EPHA6: variants seen among roughly 807,000 people sequenced by gnomAD.
EPHA6 encodes the protein ephrin type-A receptor 6.
In EPHA6, 50 loss-of-function variants were observed where a neutral mutation model predicts 112.0. The observed-to-expected ratio is 0.45, with a 90% CI of 0.36 to 0.56. The LOEUF (loss-of-function observed/expected upper bound fraction) is 0.56, where lower values mean the gene tolerates loss of function less well. Ranked by LOEUF, EPHA6 falls within the 20% of genes least tolerant of loss-of-function variation. The pLI is 0.00. For missense variants in EPHA6, 1,280 were observed against 1,417.4 expected, an observed-to-expected ratio of 0.90 and a Z score of 1.56; for synonymous variants, 529 against 490.7, an observed-to-expected ratio of 1.08 and a Z score of -1.03.
chr3:97,547,127 A>T (rs1368813529), intron 11 of EPHA6, among the ~76,000 whole-genome samples: 2 of 152,170 alleles, frequency 1.3e-5, no homozygotes, highest in Admixed American at 6.5e-5. Flanking sequence ...TTCCTCTGGA[A>T]GAGGAGAGGT....
At chr3:97,390,802 C>T (rs887229663) in intron 5 of EPHA6, among the ~76,000 whole-genome samples, 1 of 151,846 alleles carries the variant, frequency 6.6e-6, no homozygotes, top group Non-Finnish European at 1.5e-5. Context: ...GATGGAGGCC[C>T]TACAAGGGTG....
At chr3:96,879,327 A>C (rs1381151017) in intron 2 of EPHA6, among the ~76,000 whole-genome samples, 1 of 152,160 alleles carries the variant, frequency 6.6e-6, no homozygotes, top group Non-Finnish European at 1.5e-5. Flanking sequence ...AAAAATAAAA[A>C]TGTATAACAT....
chr3:97,542,947 A>AT (rs777949578), intron 11 of EPHA6, among the ~76,000 whole-genome samples: 4 of 151,350 alleles, frequency 2.6e-5, no homozygotes, highest in African/African-American at 4.9e-5. Flanking sequence ...GGGTTGTTTG[A>AT]TTTTTTCTTG....
At chr3:97,681,866 G>A (rs1185851617) in intron 14 of EPHA6, among the ~76,000 whole-genome samples, 1 of 151,934 alleles carries the variant, frequency 6.6e-6, no homozygotes, top group Non-Finnish European at 1.5e-5. Context: ...GGGATGAAGG[G>A]GAGCTAACAT....
chr3:97,321,474 T>G (rs2082115824), intron 5 of EPHA6, among the ~76,000 whole-genome samples: 1 of 151,986 alleles, frequency 6.6e-6, no homozygotes. Context: ...AATATGCAAT[T>G]TATTAATGTA....
intron 5 of EPHA6, among the ~76,000 whole-genome samples, chr3:97,283,001 AT>A (rs1346780442): frequency 6.6e-6 from 1 of 152,200 alleles, no homozygotes. Context: ...ATAAAATAAA[AT>A]TTTAAAAAAG....
intron 14 of EPHA6, among the ~76,000 whole-genome samples, chr3:97,688,632 A>G (rs2032431830): frequency 6.6e-6 from 1 of 151,306 alleles, no homozygotes; most frequent in Non-Finnish European, 1.5e-5. Context: ...GTAAATGATG[A>G]GTTAACAGGT....
At chr3:97,691,430 A>G (rs1475563059) in intron 14 of EPHA6, among the ~76,000 whole-genome samples, 1 of 152,150 alleles carries the variant, frequency 6.6e-6, no homozygotes, top group Non-Finnish European at 1.5e-5. Flanking sequence ...GGCCCCTTGT[A>G]TCTTCACTTA....
intron 6 of EPHA6, among the ~76,000 whole-genome samples, chr3:97,424,323 A>G (rs1351117168): frequency 6.6e-6 from 1 of 152,150 alleles, no homozygotes; most frequent in Non-Finnish European, 1.5e-5. Context: ...GGACACAGCC[A>G]AACCATATCT....
At chr3:97,513,127 T>C (rs1293302436) in intron 10 of EPHA6, among the ~76,000 whole-genome samples, 1 of 152,214 alleles carries the variant, frequency 6.6e-6, no homozygotes, top group Non-Finnish European at 1.5e-5. Context: ...TGGTGTTCAA[T>C]ATTGTGAACA....
chr3:97,036,514 T>G (rs2045101924), intron 3 of EPHA6, among the ~76,000 whole-genome samples: 1 of 152,004 alleles, frequency 6.6e-6, no homozygotes, highest in African/African-American at 2.4e-5. Context: ...TTACCTAGCT[T>G]AAAAAGATGA....
chr3:97,379,751 CAAAAAAAAAA>C (rs71623570), intron 5 of EPHA6, among the ~76,000 whole-genome samples: 2 of 30,540 alleles, frequency 6.5e-5, no homozygotes, highest in Non-Finnish European at 1.2e-4. Context: ...TCTGTCTCCC[CAAAAAAAAAA>C]AAAAAAAAAA....
chr3:97,135,806 C>A (rs531798965), intron 3 of EPHA6, among the ~76,000 whole-genome samples: 1 of 150,068 alleles, frequency 6.7e-6, no homozygotes, highest in Non-Finnish European at 1.5e-5. Context: ...ACTAAGTAGA[C>A]GCTTTGAAGG....
chr3:97,660,807 TATTAA>T (rs2094165071), intron 14 of EPHA6, among the ~76,000 whole-genome samples: 1 of 152,146 alleles, frequency 6.6e-6, no homozygotes, highest in African/African-American at 2.4e-5. Context: ...TTTTGCCATG[TATTAA>T]ATTAACCATA....
At chr3:97,008,697 C>T (rs2043973109) in intron 3 of EPHA6, among the ~76,000 whole-genome samples, 1 of 152,040 alleles carries the variant, frequency 6.6e-6, no homozygotes, top group African/African-American at 2.4e-5. Flanking sequence ...GGCACTCTGG[C>T]CTTTTGGGTT....
intron 11 of EPHA6, among the ~76,000 whole-genome samples, chr3:97,565,761 G>C (rs1308240853): frequency 2.6e-5 from 4 of 152,116 alleles, no homozygotes. Context: ...GCTCACACCT[G>C]TAATCCCAGC....
At chr3:97,028,398 A>T (rs1022177400) in intron 3 of EPHA6, among the ~76,000 whole-genome samples, 4 of 152,120 alleles carry the variant, frequency 2.6e-5, no homozygotes, top group African/African-American at 9.6e-5. Context: ...GAGCTCAATA[A>T]AAGTGTCTTC....
intron 3 of EPHA6, among the ~76,000 whole-genome samples, chr3:97,209,841 A>G (rs2077818417): frequency 6.6e-6 from 1 of 152,194 alleles, no homozygotes; most frequent in Non-Finnish European, 1.5e-5. Context: ...AGTTTCGTCA[A>G]AATGTTCAAA....
At chr3:96,992,491 C>T (rs907052416) in intron 3 of EPHA6, among the ~76,000 whole-genome samples, 13 of 152,182 alleles carry the variant, frequency 8.5e-5, no homozygotes, top group African/African-American at 2.4e-4. Flanking sequence ...AACAGAGCTG[C>T]ATGTCTAAGA....
Sources: gnomAD v4.1 joint callset for allele counts (sites outside exome capture counted in the v4.1 genomes callset) on GRCh38, gnomAD v4.1.1 for gene constraint, MANE v1.5 for transcripts, NCBI Gene and HGNC (gene_info 2026-07-23, HGNC 2026-07-21) for gene names.